GPR19: variants seen among roughly 807,000 people sequenced by gnomAD.
GPR19 encodes G protein-coupled receptor 19, also known as probable G protein-coupled receptor 19.
A neutral mutation model predicts 28.5 loss-of-function variants in GPR19; 14 were observed. That is an observed-to-expected ratio of 0.49 (90% CI 0.32 to 0.77). The LOEUF is 0.77. Among genes scored for constraint, GPR19 ranks in the 30% least tolerant of loss-of-function variants. The pLI, the probability that GPR19 is intolerant of heterozygous loss-of-function variation, is 0.03. For missense variants in GPR19, 409 were observed against 504.1 expected, an observed-to-expected ratio of 0.81 and a Z score of 1.81; for synonymous variants, 173 against 184.1, an observed-to-expected ratio of 0.94 and a Z score of 0.49.
chr12:12,665,564 C>T (rs571497192), intron 3 of GPR19, among the ~76,000 whole-genome samples: 2 of 152,116 alleles, frequency 1.3e-5, no homozygotes, highest in African/African-American at 4.8e-5. Context: ...ATCGGCCGAG[C>T]GCGGTGGCTC....
At chr12:12,680,943 C>T (rs59275758) in intron 3 of GPR19, among the ~76,000 whole-genome samples, 4,358 of 152,280 alleles carry the variant, frequency 0.029, 206 homozygotes, top group African/African-American at 0.098. Flanking sequence ...CCCCCCTCAG[C>T]CTCCCAAACA....
intron 2 of GPR19, among the ~76,000 whole-genome samples, chr12:12,687,209 AAAAG>A (rs1342530889): frequency 5.9e-5 from 9 of 152,224 alleles, no homozygotes; most frequent in African/African-American, 1.7e-4. Flanking sequence ...GGAATGGAAA[AAAAG>A]AAATTAATAT....
Position 12,661,348 on chromosome 12 carries a change from G to T in GPR19, c.1101C>A (p.Ala367=), listed in dbSNP as rs1945670165. 6.2e-7 allele frequency: 1 copy of T among 1,613,294 alleles called. No individual in the cohort carries two copies. Among genetic ancestry groups the T allele is most frequent in the African/African-American group, 1.3e-5 (1 of 74,778 alleles). ...AYTITTSSRM[A]KKNYVGISEI... ...CTGAAATGCCAACGTAGTTTTTTTT[G>T]GCCATCCTTGAACTTGTTGTGATAG... The change falls in exon 4 of 4, where the codon GCC becomes GCA. Residue 367 remains alanine, a synonymous_variant. Transcript: ENST00000651487. The surrounding 1 kb of genome is among the most constrained non-coding windows in gnomAD (Gnocchi z 4.2).
chr12:12,663,751 CATT>C (rs1204441228), intron 3 of GPR19, among the ~76,000 whole-genome samples: 1 of 152,016 alleles, frequency 6.6e-6, no homozygotes, highest in Non-Finnish European at 1.5e-5. Flanking sequence ...TAAGGATAAA[CATT>C]AATATTTTCA....
At chr12:12,676,971 AAAGAAC>A (rs1945940400) in intron 3 of GPR19, among the ~76,000 whole-genome samples, 2 of 152,268 alleles carry the variant, frequency 1.3e-5, no homozygotes, top group Admixed American at 1.3e-4. Context: ...AAGTCAAAGC[AAAGAAC>A]AACGAAGTAG....
chr12:12,664,796 T>C (rs1319777088), intron 3 of GPR19, among the ~76,000 whole-genome samples: 1 of 151,774 alleles, frequency 6.6e-6, no homozygotes, highest in Non-Finnish European at 1.5e-5. Flanking sequence ...GGCAGGCGCC[T>C]GTGGTCCCAG....
chr12:12,681,813 C>G (rs185814194), intron 3 of GPR19, among the ~76,000 whole-genome samples: 246 of 152,302 alleles, frequency 1.6e-3, no homozygotes, highest in Admixed American at 2.5e-3. Flanking sequence ...CTACTTTAAG[C>G]CTTACTATCT....
chr12:12,707,989 CTTTTT>C, the GPR19 span, among the ~76,000 whole-genome samples: 2 of 62,466 alleles, frequency 3.2e-5, no homozygotes, highest in African/African-American at 1.1e-4. Flanking sequence ...ATTTCCTATT[CTTTTT>C]TTTTTTTTTT....
At chr12:12,703,199 CAT>C in the GPR19 span, among the ~76,000 whole-genome samples, 1 of 152,164 alleles carries the variant, frequency 6.6e-6, no homozygotes, top group East Asian at 1.9e-4. Flanking sequence ...TCAAGTATCA[CAT>C]GTTCCAAATG....
At chr12:12,711,126 T>G in the GPR19 span, among the ~76,000 whole-genome samples, 1 of 151,784 alleles carries the variant, frequency 6.6e-6, no homozygotes, top group South Asian at 2.1e-4. Context: ...AAACCTCGTC[T>G]CTACTGAAAA....
At chr12:12,703,775 G>A in the GPR19 span, among the ~76,000 whole-genome samples, 2 of 152,158 alleles carry the variant, frequency 1.3e-5, no homozygotes, top group Non-Finnish European at 2.9e-5. Context: ...GCTATAGACT[G>A]TATAAGTTGC....
the GPR19 span, among the ~76,000 whole-genome samples, chr12:12,711,353 G>A: frequency 6.6e-6 from 1 of 151,688 alleles, no homozygotes; most frequent in African/African-American, 2.4e-5. Flanking sequence ...TCAGGTCAGG[G>A]ACCCAAGTTG....
chr12:12,664,959 T>C (rs1276852690), intron 3 of GPR19, among the ~76,000 whole-genome samples: 1 of 134,104 alleles, frequency 7.5e-6, no homozygotes. Context: ...AATCAGGACA[T>C]AAGATCTAAA....
chr12:12,703,808 C>G, the GPR19 span, among the ~76,000 whole-genome samples: 1 of 152,160 alleles, frequency 6.6e-6, no homozygotes, highest in Non-Finnish European at 1.5e-5. Flanking sequence ...TCTAGGATTC[C>G]TAATACCGTG....
chr12:12,674,957 C>T (rs1371953023), intron 3 of GPR19, among the ~76,000 whole-genome samples: 1 of 152,098 alleles, frequency 6.6e-6, no homozygotes, highest in Non-Finnish European at 1.5e-5. Context: ...AGGACCCTCC[C>T]CTGGGCTGGG....
At chr12:12,694,822 A>G (rs1946239361) in intron 2 of GPR19, among the ~76,000 whole-genome samples, 1 of 152,126 alleles carries the variant, frequency 6.6e-6, no homozygotes. Context: ...CACTCCCTAA[A>G]ACAAGACACC....
chr12:12,711,395 T>G, the GPR19 span, among the ~76,000 whole-genome samples: 3 of 152,032 alleles, frequency 2.0e-5, no homozygotes, highest in African/African-American at 7.2e-5. Flanking sequence ...ACATGTGGCT[T>G]CCAAGGTTGC....
At chr12:12,691,700 C>G (rs1946182768) in intron 2 of GPR19, among the ~76,000 whole-genome samples, 1 of 152,178 alleles carries the variant, frequency 6.6e-6, no homozygotes, top group Non-Finnish European at 1.5e-5. Flanking sequence ...TCTAAAACAG[C>G]AAAGTAGGTG....
chr12:12,677,546 G>T (rs1945950572), intron 3 of GPR19, among the ~76,000 whole-genome samples: 1 of 151,874 alleles, frequency 6.6e-6, no homozygotes, highest in South Asian at 2.1e-4. Flanking sequence ...CAAAGTGCTG[G>T]GATTACAGGC....
Sources: allele counts gnomAD v4.1 joint callset (sites outside exome capture counted in the v4.1 genomes callset), GRCh38; gene constraint gnomAD v4.1.1; non-coding constraint Gnocchi (gnomAD v3.1); transcripts MANE v1.5; gene names NCBI Gene and HGNC (gene_info 2026-07-23, HGNC 2026-07-21).